Variants in BPHL observed in about 807,000 individuals in gnomAD.
BPHL encodes the protein serine hydrolase BPHL.
A neutral mutation model predicts 31.2 loss-of-function variants in BPHL; 27 were observed. The observed-to-expected ratio is 0.87, with a 90% CI of 0.64 to 1.19. The LOEUF (loss-of-function observed/expected upper bound fraction) is 1.19, where lower values mean the gene tolerates loss of function less well. BPHL is among the 50% of genes most tolerant of loss of function. The pLI is 0.00. For synonymous variants in BPHL, 150 were observed against 146.8 expected, an observed-to-expected ratio of 1.02 and a Z score of -0.16; for missense variants, 356 against 375.7, an observed-to-expected ratio of 0.95 and a Z score of 0.43.
chr6:3,118,941 C>A, intron 1 of BPHL, 94 bp downstream of exon 1: 1 of 1,062,660 alleles, frequency 9.4e-7, no homozygotes, highest in Non-Finnish European at 1.2e-6. Context: ...GTTCCCGGCG[C>A]GCGGGCACGG....
intron 4 of BPHL, among the ~76,000 whole-genome samples, chr6:3,133,995 C>T (rs1217106117): frequency 3.9e-5 from 6 of 152,212 alleles, no homozygotes; most frequent in African/African-American, 1.2e-4. Flanking sequence ...TCTCAGACTT[C>T]TTAATTCACT....
chr6:3,119,550 C>T, intron 1 of BPHL: 1 of 1,612,544 alleles, frequency 6.2e-7, no homozygotes, highest in Non-Finnish European at 8.5e-7. Context: ...AATTTCTGAC[C>T]TTCTGTCTTG....
chr6:3,135,604 C>G (rs1205467545), intron 4 of BPHL, among the ~76,000 whole-genome samples: 1 of 152,194 alleles, frequency 6.6e-6, no homozygotes, highest in Non-Finnish European at 1.5e-5. Context: ...CATTCTTATT[C>G]TCTTCTTCTG....
At chr6:3,142,701 T>A (rs1287862911) in intron 6 of BPHL, among the ~76,000 whole-genome samples, 1 of 152,174 alleles carries the variant, frequency 6.6e-6, no homozygotes, top group Non-Finnish European at 1.5e-5. Flanking sequence ...CAGCTGCCAC[T>A]TATCTCTTAA....
At chr6:3,143,571 A>G (rs1434590976) in intron 6 of BPHL, among the ~76,000 whole-genome samples, 1 of 152,246 alleles carries the variant, frequency 6.6e-6, no homozygotes, top group Admixed American at 6.5e-5. Flanking sequence ...TACGAAACAC[A>G]CTATGAGAGC....
chr6:3,130,617 CAT>C lies in BPHL; in HGVS notation c.532+1420_532+1421del, dbSNP rs1325238596. On this transcript the variant is annotated intron_variant, in intron 4 of 6. Transcript: ENST00000380379. ...AGGTGGGTCAGGTGTTTTCTCTCCT[CAT>C]GTGTAAGTATCTACATAATGTCTTT... Among the ~76,000 whole-genome samples, 20 of 152,218 alleles carry C rather than the reference CAT, an allele frequency of 1.3e-4. No individual in the cohort carries two copies. In the East Asian group the frequency reaches 3.7e-3, roughly 28 times the overall value.
chr6:3,145,423 T>C lies in BPHL; in HGVS notation c.788+4914T>C, dbSNP rs551856531. ...GGTCCGAGTGCTGGTTCGGGTGGAG[T>C]GCTGGTTCAGGGTGGAGCGCTGGTT... is the stretch of plus-strand genomic sequence containing the variant. On this transcript the variant is annotated intron_variant, in intron 6 of 6. Transcript: ENST00000380379. Among the ~76,000 whole-genome samples, 13 of 42,554 alleles carry C rather than the reference T, an allele frequency of 3.1e-4. 3 individuals are homozygous for C. Among genetic ancestry groups the C allele is most frequent in the South Asian group, 1.3e-3 (2 of 1,542 alleles). The allele number at this position is 42,554 out of a possible 152,430, so 27.9% of individuals were successfully genotyped here.
At position 3,131,537 on chromosome 6, in the gene BPHL, T is replaced by C. The variant is rs531938287; in HGVS notation, c.532+2339T>C. On this transcript the variant is annotated intron_variant, in intron 4 of 6. Transcript: ENST00000380379. ...AGGCCGCTAGCTTCATATGGTAGTT[T>C]GTTCTCCATAGGAGAGTTTCCTTTG... Among the ~76,000 whole-genome samples the C allele has an allele frequency of 2.5e-3, 381 of 152,330 alleles. 2 individuals are homozygous for C. Among genetic ancestry groups the C allele is most frequent in the African/African-American group, 8.9e-3 (372 of 41,584 alleles).
In BPHL at chr6:3,119,593, G is replaced by T; in HGVS notation, c.107+746G>T. 1.9e-6 allele frequency: 3 copies of T among 1,567,120 alleles called. No homozygotes were observed. In the South Asian group the frequency reaches 3.4e-5, roughly 18 times the overall value. On this transcript the variant is annotated intron_variant, in intron 1 of 6. Coordinates refer to ENST00000380379, the MANE Select transcript of BPHL (RefSeq NM_004332.4). Reference sequence around the variant, plus strand: ...ATACTCTTGGTCCCAAGAGATACTGGGCAGAAATGTGGATAGAGCGGCATG... The same window carrying T: ...ATACTCTTGGTCCCAAGAGATACTGTGCAGAAATGTGGATAGAGCGGCATG...
At chr6:3,135,208 GC>G (rs1473180721) in intron 4 of BPHL, among the ~76,000 whole-genome samples, 1 of 152,206 alleles carries the variant, frequency 6.6e-6, no homozygotes, top group African/African-American at 2.4e-5. Context: ...TTTAAGGGCA[GC>G]CTGTTAATGG....
At chr6:3,134,508 G>C (rs1287711553) in intron 4 of BPHL, among the ~76,000 whole-genome samples, 2 of 144,514 alleles carry the variant, frequency 1.4e-5, no homozygotes, top group African/African-American at 2.6e-5. Flanking sequence ...CACCATCTCA[G>C]CTCACTGCAG....
At chr6:3,119,238 C>T (rs189344308) in intron 1 of BPHL, 48 of 1,500,566 alleles carry the variant, frequency 3.2e-5, no homozygotes, top group Non-Finnish European at 4.2e-5. Flanking sequence ...GTCCAGAGTC[C>T]ACACTAAGGG....
chr6:3,131,650 C>G (rs1761872314), intron 4 of BPHL, among the ~76,000 whole-genome samples: 1 of 152,218 alleles, frequency 6.6e-6, no homozygotes, highest in Non-Finnish European at 1.5e-5. Context: ...GCTGGCCCCT[C>G]CTGCCAGCCC....
intron 6 of BPHL, among the ~76,000 whole-genome samples, chr6:3,144,920 C>G (rs4394276): frequency 0.63 from 96,518 of 152,134 alleles, 31,069 homozygotes; most frequent in Non-Finnish European, 0.69. Context: ...GAGGGCCAGA[C>G]CCGGTGGGAA....
Position 3,140,276 on chromosome 6 carries a change from G to T in BPHL, c.665-110G>T. The T allele has an allele frequency of 7.1e-7, 1 of 1,401,784 alleles. No homozygotes were observed. Among genetic ancestry groups the T allele is most frequent in the Non-Finnish European group, 9.8e-7 (1 of 1,024,832 alleles). The allele number at this position is 1,401,784 out of a possible 1,614,324, so 86.8% of individuals were successfully genotyped here. ...GTCAAATCCAAAACACAGTTTTTAC[G>T]GATAGGGAAACTGAGGGCCAAGGAG... On this transcript the variant is annotated intron_variant, in intron 5 of 6. Transcript: ENST00000380379. This position sits in a 1 kb window ranked among gnomAD's most constrained non-coding sequence, Gnocchi z 5.2.
chr6:3,118,851 A>G lies in BPHL; in HGVS notation c.107+4A>G. On this transcript the variant is annotated splice_donor_region_variant and intron_variant, in intron 1 of 6. Coordinates refer to ENST00000380379, the MANE Select transcript of BPHL (RefSeq NM_004332.4). Reference sequence around the variant, plus strand: ...CCGGACCCGCGGCCGCGTTCGGGTAATGGCGGCCACCTCGCCCCGGGGATC... The same window carrying G: ...CCGGACCCGCGGCCGCGTTCGGGTAGTGGCGGCCACCTCGCCCCGGGGATC... The G allele has an allele frequency of 8.1e-7, 1 of 1,236,990 alleles. No individual in the cohort carries two copies. The highest frequency in any genetic ancestry group is 1.5e-5 in the African/African-American group (1 of 64,518). The allele number at this position is 1,236,990 out of a possible 1,614,324, so 76.6% of individuals were successfully genotyped here. A position where few individuals can be genotyped will look rare whatever the true frequency, so the allele number is the denominator to read the frequency against.
At chr6:3,129,458 G>A (rs1323200518) in intron 4 of BPHL, among the ~76,000 whole-genome samples, 2 of 152,220 alleles carry the variant, frequency 1.3e-5, no homozygotes, top group Admixed American at 1.3e-4. Flanking sequence ...TACTACTACT[G>A]ATAATGAACT....
chr6:3,150,515 C>G (rs1377981345), intron 6 of BPHL, among the ~76,000 whole-genome samples: 1 of 152,238 alleles, frequency 6.6e-6, no homozygotes, highest in African/African-American at 2.4e-5. Flanking sequence ...CCTGCCCTGG[C>G]AGAGGAACTC....
intron 6 of BPHL, among the ~76,000 whole-genome samples, chr6:3,146,595 C>T (rs1234431551): frequency 5.1e-4 from 2 of 3,900 alleles, no homozygotes; most frequent in Admixed American, 2.6e-3. Flanking sequence ...GGTTTGGGTT[C>T]GGGGTGGAGT....
Sources: gnomAD v4.1 joint callset for allele counts (sites outside exome capture counted in the v4.1 genomes callset) on GRCh38, gnomAD v4.1.1 for gene constraint, Gnocchi (gnomAD v3.1) non-coding constraint, MANE v1.5 for transcripts, NCBI Gene and HGNC (gene_info 2026-07-23, HGNC 2026-07-21) for gene names.